Variants in ABHD2 observed in about 807,000 individuals in gnomAD.
The protein encoded by ABHD2 is monoacylglycerol lipase ABHD2.
In ABHD2, 20 loss-of-function variants were observed where a neutral mutation model predicts 48.1. That is an observed-to-expected ratio of 0.42 (90% CI 0.29 to 0.60). The LOEUF is 0.60. ABHD2 is among the 20% of genes least tolerant of loss of function. The pLI is 0.24. For synonymous variants in ABHD2, 209 were observed against 214.2 expected, an observed-to-expected ratio of 0.98 and a Z score of 0.21; for missense variants, 405 against 550.9, an observed-to-expected ratio of 0.74 and a Z score of 2.65.
intron 3 of ABHD2, chr15:89,136,551 C>T (rs766758416): frequency 1.3e-5 from 4 of 305,710 alleles, no homozygotes; most frequent in African/African-American, 4.5e-5. Flanking sequence ...ATCTGGCTCT[C>T]ACTTGCCCCA....
Position 89,202,037 on chromosome 15 carries a change from C to T in ABHD2, c.*6614C>T. The T allele has an allele frequency of 2.6e-6, 1 of 383,920 alleles. No individual in the cohort carries two copies. Among genetic ancestry groups the T allele is most frequent in the Non-Finnish European group, 4.7e-6 (1 of 211,536 alleles). The allele number at this position is 383,920 out of a possible 1,614,324, so 23.8% of individuals were successfully genotyped here. ...GTTTTCTGAAACTTAAAATGCTGCCCCGAAAATACTATATTTTTGAGTTTG... is the reference window on the plus strand; with the variant it reads ...GTTTTCTGAAACTTAAAATGCTGCCTCGAAAATACTATATTTTTGAGTTTG... On this transcript the variant is annotated 3_prime_UTR_variant, in exon 11 of 11. Coordinates refer to ENST00000352732, the MANE Select transcript of ABHD2 (RefSeq NM_152924.5).
At chr15:89,061,234 A>G in the ABHD2 span, among the ~76,000 whole-genome samples, 4 of 152,164 alleles carry the variant, frequency 2.6e-5, no homozygotes, top group South Asian at 6.2e-4. Flanking sequence ...CCTGGCCAAC[A>G]TGGTGAAACC....
intron 5 of ABHD2, among the ~76,000 whole-genome samples, chr15:89,158,235 C>T (rs1265655177): frequency 6.6e-6 from 1 of 152,154 alleles, no homozygotes; most frequent in Non-Finnish European, 1.5e-5. Context: ...AAAACTGAGG[C>T]ATAGAGAGGT....
chr15:89,122,330 G>A (rs939275179), intron 3 of ABHD2, among the ~76,000 whole-genome samples: 10 of 152,158 alleles, frequency 6.6e-5, no homozygotes, highest in Non-Finnish European at 7.3e-5. Flanking sequence ...ATCAAGAGCC[G>A]CATACCTGGG....
chr15:89,191,486 C>T (rs942273082), intron 9 of ABHD2, among the ~76,000 whole-genome samples: 2 of 152,082 alleles, frequency 1.3e-5, no homozygotes, highest in Non-Finnish European at 2.9e-5. Context: ...TCTTACCATC[C>T]GGGACCCTCT....
chr15:89,156,951 T>G (rs1482541952), intron 5 of ABHD2, among the ~76,000 whole-genome samples: 1 of 152,236 alleles, frequency 6.6e-6, no homozygotes, highest in Non-Finnish European at 1.5e-5. Context: ...AACTATAATT[T>G]TCTATTTCTT....
At chr15:89,050,036 C>T in the ABHD2 span, among the ~76,000 whole-genome samples, 1 of 152,180 alleles carries the variant, frequency 6.6e-6, no homozygotes, top group Non-Finnish European at 1.5e-5. Context: ...ACTACATTTT[C>T]ATAGGTCTAG....
At position 89,120,148 on chromosome 15, in the gene ABHD2, G is replaced by A. The variant is rs908326424; in HGVS notation, c.194+3627G>A. Among the ~76,000 whole-genome samples the A allele has an allele frequency of 3.3e-5, 5 of 152,134 alleles. No homozygotes were observed. The highest frequency in any genetic ancestry group is 7.4e-5 in the Non-Finnish European group (5 of 68,016). ...GCAGGGATTACTGTTTTCCCCCTCAGCATTAAAGTCAATTTGAAAATCTGT... is the reference window on the plus strand; with the variant it reads ...GCAGGGATTACTGTTTTCCCCCTCAACATTAAAGTCAATTTGAAAATCTGT... On this transcript the variant is annotated intron_variant, in intron 3 of 10. Transcript: ENST00000352732. This position sits in a 1 kb window ranked among gnomAD's most constrained non-coding sequence, Gnocchi z 4.2.
At position 89,175,961 on chromosome 15, in the gene ABHD2, T is replaced by A. The variant is rs762721320; in HGVS notation, c.688T>A (p.Cys230Ser). Residue 230 changes from cysteine (C) to serine (S), a missense_variant, in exon 6 of 11, where the codon TGC becomes AGC. Coordinates refer to ENST00000352732, the MANE Select transcript of ABHD2 (RefSeq NM_152924.5). This position sits in a 1 kb window ranked among gnomAD's most constrained non-coding sequence, Gnocchi z 5.7. ...GGCAAACCAAGAGAAGGTCCTGTGC[T>A]GCGTCAGCGTGTGCCAGGGGTACAG... is the stretch of plus-strand genomic sequence containing the variant. ...TQANQEKVLC[C>S]VSVCQGYSAL... 1 of 1,612,504 alleles carries A rather than the reference T, an allele frequency of 6.2e-7. No homozygotes were observed. The highest frequency in any genetic ancestry group is 1.1e-5 in the South Asian group (1 of 90,948).
rs2150934186 is a variant in ABHD2, at chr15:89,179,699, T to C, written c.722+3704T>C. The stretch of plus-strand genomic sequence containing the variant: ...CCCTGCCCCTGCCTTCCCTAGGCTG[T>C]GGACAAATTGTCTTCCACAAAGCCA... On this transcript the variant is annotated intron_variant, in intron 6 of 10. Coordinates refer to ENST00000352732, the MANE Select transcript of ABHD2 (RefSeq NM_152924.5). This position sits in a 1 kb window ranked among gnomAD's most constrained non-coding sequence, Gnocchi z 4.3. Among the ~76,000 whole-genome samples, 1 of 152,336 alleles carries C rather than the reference T, an allele frequency of 6.6e-6. No homozygotes were observed. The highest frequency in any genetic ancestry group is 1.9e-4 in the East Asian group (1 of 5,188).
chr15:89,196,897 A>G lies in ABHD2; in HGVS notation c.*1474A>G, dbSNP rs1196370994. Reference sequence around the variant, plus strand: ...GTACTTGAATATCCAAAAACCCTGCACTTTGAACAATCAGCTGTTGCTATC... The same window carrying G: ...GTACTTGAATATCCAAAAACCCTGCGCTTTGAACAATCAGCTGTTGCTATC... On this transcript the variant is annotated 3_prime_UTR_variant, in exon 11 of 11. Transcript: ENST00000352732. 1 of 152,670 alleles carries G rather than the reference A, an allele frequency of 6.6e-6. No individual in the cohort carries two copies. Among genetic ancestry groups the G allele is most frequent in the Non-Finnish European group, 1.5e-5 (1 of 68,038 alleles). 9.5% of individuals were successfully genotyped at this position (152,670 alleles called of 1,614,324 possible).
At chr15:89,191,815 G>A (rs987622082) in intron 9 of ABHD2, among the ~76,000 whole-genome samples, 26 of 152,130 alleles carry the variant, frequency 1.7e-4, no homozygotes, top group Admixed American at 5.2e-4. Context: ...TTTTAGTAGA[G>A]ATGGGGTTTC....
At chr15:89,127,046 T>C (rs1325062102) in intron 3 of ABHD2, among the ~76,000 whole-genome samples, 1 of 152,202 alleles carries the variant, frequency 6.6e-6, no homozygotes, top group Non-Finnish European at 1.5e-5. Flanking sequence ...CATTGCTGTT[T>C]GCTACCCCAT....
At chr15:89,112,653 G>A (rs2049893826) in intron 1 of ABHD2, among the ~76,000 whole-genome samples, 1 of 152,198 alleles carries the variant, frequency 6.6e-6, no homozygotes, top group Admixed American at 6.5e-5. Context: ...AAGAAATTGG[G>A]CTTGAATCCC....
chr15:89,191,311 C>G (rs929560284), intron 9 of ABHD2, among the ~76,000 whole-genome samples, 162 bp downstream of exon 9: 4 of 152,188 alleles, frequency 2.6e-5, no homozygotes, highest in Admixed American at 6.5e-5. Context: ...CTCTGTCCCT[C>G]TGTAACTGCC....
At chr15:89,147,744 T>C (rs1445016554) in intron 3 of ABHD2, among the ~76,000 whole-genome samples, 1 of 152,062 alleles carries the variant, frequency 6.6e-6, no homozygotes, top group Non-Finnish European at 1.5e-5. Flanking sequence ...TCTTGTTATA[T>C]AACCATAAAA....
chr15:89,083,596 T>C (rs4258591), upstream of ABHD2, among the ~76,000 whole-genome samples: 5,041 of 152,276 alleles, frequency 0.033, 287 homozygotes, highest in African/African-American at 0.12. This position sits in a 1 kb window ranked among gnomAD's most constrained non-coding sequence, Gnocchi z 5.1. Context: ...ATTGGGACTA[T>C]TTGAGAGTCA....
At position 89,090,876 on chromosome 15, in the gene ABHD2, A is replaced by C. The variant is rs74032707; in HGVS notation, c.-107+2313A>C. 6.4e-3 allele frequency among the ~76,000 whole-genome samples: 976 copies of C among 152,358 alleles called. 10 individuals carry two copies. The highest frequency in any genetic ancestry group is 0.022 in the African/African-American group (925 of 41,588). Reference sequence around the variant, plus strand: ...TGTATTAAGTGCTTTTCGGAAGTTCAGGGATCATGTGTCAACTGCATTTAA... The same window carrying C: ...TGTATTAAGTGCTTTTCGGAAGTTCCGGGATCATGTGTCAACTGCATTTAA... On this transcript the variant is annotated intron_variant, in intron 1 of 10. Transcript: ENST00000352732.
At chr15:89,082,077 G>A in the ABHD2 span, among the ~76,000 whole-genome samples, 1 of 152,086 alleles carries the variant, frequency 6.6e-6, no homozygotes, top group South Asian at 2.1e-4. This position sits in a 1 kb window ranked among gnomAD's most constrained non-coding sequence, Gnocchi z 4.4. Flanking sequence ...CTACCCACTA[G>A]AGGTCAACAG....
Sources: gnomAD v4.1 joint callset for allele counts (sites outside exome capture counted in the v4.1 genomes callset) on GRCh38, gnomAD v4.1.1 for gene constraint, Gnocchi (gnomAD v3.1) non-coding constraint, MANE v1.5 for transcripts, NCBI Gene and HGNC (gene_info 2026-07-23, HGNC 2026-07-21) for gene names.